The following NKAIN3 variants were observed in gnomAD, a reference collection of about 807,000 sequenced individuals.
NKAIN3 encodes the protein sodium/potassium transporting ATPase interacting 3.
Under a neutral mutation model 30.2 loss-of-function variants are expected in NKAIN3, and 25 were observed. The observed-to-expected ratio is 0.83, with a 90% CI of 0.60 to 1.16. The LOEUF is 1.16. NKAIN3 is among the 50% of genes most tolerant of loss of function. The probability of loss-of-function intolerance (pLI) is 0.00; values close to 1 mark genes in which losing one functional copy is unlikely to be tolerated. For missense variants in NKAIN3, 225 were observed against 254.1 expected, an observed-to-expected ratio of 0.89 and a Z score of 0.78; for synonymous variants, 91 against 89.6, an observed-to-expected ratio of 1.02 and a Z score of -0.09.
At chr8:62,699,083 C>T (rs941181860) in intron 3 of NKAIN3, among the ~76,000 whole-genome samples, 1 of 152,138 alleles carries the variant, frequency 6.6e-6, no homozygotes, top group Non-Finnish European at 1.5e-5. Flanking sequence ...AACACGCTGG[C>T]TTTCTTGTGA....
intron 1 of NKAIN3, among the ~76,000 whole-genome samples, chr8:62,506,479 T>TTTTC (rs1807646589): frequency 9.1e-6 from 1 of 109,330 alleles, no homozygotes; most frequent in South Asian, 3.4e-4. Context: ...TTTCTTTCTT[T>TTTTC]TTTTTTTTTT....
intron 5 of NKAIN3, among the ~76,000 whole-genome samples, chr8:62,924,870 G>T (rs1353725896): frequency 6.6e-6 from 1 of 152,118 alleles, no homozygotes; most frequent in Non-Finnish European, 1.5e-5. Flanking sequence ...TCCCACATGG[G>T]CAAGCAAGCA....
intron 3 of NKAIN3, among the ~76,000 whole-genome samples, chr8:62,612,091 T>C (rs995321254): frequency 1.2e-4 from 19 of 152,136 alleles, no homozygotes; most frequent in African/African-American, 4.1e-4. Flanking sequence ...TATGTCTTAT[T>C]TGAGTAATGT....
At chr8:62,865,932 A>G (rs1437734954) in intron 4 of NKAIN3, among the ~76,000 whole-genome samples, 1 of 152,186 alleles carries the variant, frequency 6.6e-6, no homozygotes, top group Non-Finnish European at 1.5e-5. Flanking sequence ...CAAGCTTTTC[A>G]TTCCATAACA....
At chr8:62,690,315 T>G (rs943853504) in intron 3 of NKAIN3, among the ~76,000 whole-genome samples, 3 of 152,144 alleles carry the variant, frequency 2.0e-5, no homozygotes, top group Non-Finnish European at 4.4e-5. Context: ...GGACCAGTCC[T>G]GACTACACAC....
At chr8:62,840,443 CAGAG>C (rs1819498728) in intron 4 of NKAIN3, among the ~76,000 whole-genome samples, 1 of 147,880 alleles carries the variant, frequency 6.8e-6, no homozygotes, top group African/African-American at 2.5e-5. Context: ...AAAAAACAAT[CAGAG>C]AGAAATTGAG....
intron 1 of NKAIN3, among the ~76,000 whole-genome samples, chr8:62,480,481 A>G (rs1012896565): frequency 2.0e-5 from 3 of 151,640 alleles, no homozygotes; most frequent in African/African-American, 7.3e-5. Flanking sequence ...GTCAGGGGGA[A>G]AGTAATGAAG....
chr8:62,350,752 G>T (rs972618635), intron 1 of NKAIN3, among the ~76,000 whole-genome samples: 1 of 151,910 alleles, frequency 6.6e-6, no homozygotes, highest in Non-Finnish European at 1.5e-5. Flanking sequence ...GGGCAGTGGC[G>T]CAATCTTGGC....
intron 1 of NKAIN3, among the ~76,000 whole-genome samples, chr8:62,455,250 T>C (rs1419146792): frequency 1.3e-5 from 2 of 152,204 alleles, no homozygotes; most frequent in Non-Finnish European, 2.9e-5. Flanking sequence ...CAAAGTACTA[T>C]TCACATAGAA....
intron 2 of NKAIN3, among the ~76,000 whole-genome samples, chr8:62,587,221 G>A (rs1432386981): frequency 1.3e-5 from 2 of 151,404 alleles, no homozygotes; most frequent in Non-Finnish European, 3.0e-5. Flanking sequence ...TGCACATTAA[G>A]GTATACTTCA....
intron 1 of NKAIN3, among the ~76,000 whole-genome samples, chr8:62,435,109 C>A (rs373593727): frequency 6.6e-6 from 1 of 152,106 alleles, no homozygotes; most frequent in South Asian, 2.1e-4. Flanking sequence ...GGACAATTTT[C>A]TGGTCAGCGC....
At chr8:62,988,349 A>G (rs1217382734), downstream of NKAIN3, among the ~76,000 whole-genome samples, 1 of 152,218 alleles carries the variant, frequency 6.6e-6, no homozygotes, top group Non-Finnish European at 1.5e-5. Flanking sequence ...CTCCAACCCC[A>G]CATTTGCCTT....
At chr8:62,648,901 A>G (rs1466395875) in intron 3 of NKAIN3, among the ~76,000 whole-genome samples, 3 of 152,076 alleles carry the variant, frequency 2.0e-5, no homozygotes, top group Non-Finnish European at 4.4e-5. Context: ...GCTGAGACAG[A>G]GGGTGGTGTT....
intron 4 of NKAIN3, among the ~76,000 whole-genome samples, chr8:62,884,777 A>G (rs2130818032): frequency 6.6e-6 from 1 of 152,218 alleles, no homozygotes; most frequent in Admixed American, 6.5e-5. Flanking sequence ...TGTTTACAAT[A>G]TTATTCTATT....
chr8:62,532,059 T>C (rs1293946599), intron 1 of NKAIN3, among the ~76,000 whole-genome samples: 1 of 152,226 alleles, frequency 6.6e-6, no homozygotes, highest in Non-Finnish European at 1.5e-5. Context: ...ATGCATTCTT[T>C]TGACTAACTT....
At chr8:62,532,684 A>G (rs2129847584) in intron 1 of NKAIN3, among the ~76,000 whole-genome samples, 1 of 152,258 alleles carries the variant, frequency 6.6e-6, no homozygotes, top group African/African-American at 2.4e-5. Context: ...TGTTGTTAAA[A>G]TCTCATTGTT....
chr8:62,878,642 C>T, intron 4 of NKAIN3, among the ~76,000 whole-genome samples: 1 of 151,524 alleles, frequency 6.6e-6, no homozygotes, highest in East Asian at 1.9e-4. Context: ...AGGTATATCT[C>T]CTAATGCTAT....
chr8:62,912,408 T>A (rs1821947624), intron 4 of NKAIN3, among the ~76,000 whole-genome samples: 1 of 152,076 alleles, frequency 6.6e-6, no homozygotes, highest in African/African-American at 2.4e-5. Flanking sequence ...TTAAATTTAC[T>A]TTCTTCAATA....
At chr8:62,623,859 G>A (rs986880177) in intron 3 of NKAIN3, among the ~76,000 whole-genome samples, 3 of 151,948 alleles carry the variant, frequency 2.0e-5, no homozygotes, top group African/African-American at 7.2e-5. Context: ...GAAAATGAAG[G>A]AATAAAAGAA....
Sources: allele counts gnomAD v4.1 joint callset (sites outside exome capture counted in the v4.1 genomes callset), GRCh38; gene constraint gnomAD v4.1.1; transcripts MANE v1.5; gene names NCBI Gene and HGNC (gene_info 2026-07-23, HGNC 2026-07-21).